Variants in DGKH observed in about 807,000 individuals in gnomAD.
DGKH encodes DAG kinase eta.
Under a neutral mutation model 159.3 loss-of-function variants are expected in DGKH, and 90 were observed. The observed-to-expected ratio is 0.57, with a 90% confidence interval of 0.48 to 0.67. The LOEUF (loss-of-function observed/expected upper bound fraction) is 0.67, where lower values mean the gene tolerates loss of function less well. Ranked by LOEUF, DGKH falls within the 30% of genes least tolerant of loss-of-function variation. The pLI is 0.00. For synonymous variants in DGKH, 536 were observed against 553.8 expected (o/e 0.97, Z 0.45); for missense variants, 1,181 against 1,506.1 (o/e 0.78, Z 3.57).
intron 11 of DGKH, among the ~76,000 whole-genome samples, chr13:42,169,607 A>G (rs1299226414): frequency 2.6e-5 from 4 of 152,234 alleles, no homozygotes; most frequent in African/African-American, 7.2e-5. Flanking sequence ...AACAATTTTG[A>G]TAGAATTAGC....
At chr13:42,117,738 T>C (rs1954990415) in intron 1 of DGKH, among the ~76,000 whole-genome samples, 3 of 152,234 alleles carry the variant, frequency 2.0e-5, no homozygotes, top group South Asian at 4.1e-4. Context: ...AATAATTCTA[T>C]AGAAAAAACA....
chr13:42,177,133 C>T (rs994318612), intron 12 of DGKH, among the ~76,000 whole-genome samples: 2 of 152,140 alleles, frequency 1.3e-5, no homozygotes, highest in Admixed American at 6.5e-5. Flanking sequence ...CAAATCTATG[C>T]CAGGCCACCC....
chr13:42,190,583 G>T, intron 16 of DGKH, 58 bp downstream of exon 16: 3 of 1,509,504 alleles, frequency 2.0e-6, no homozygotes, highest in South Asian at 1.3e-5. Flanking sequence ...TTTGCTTTTA[G>T]TTTTCAAAAG....
chr13:42,063,475 A>C (rs1319765213), intron 1 of DGKH, among the ~76,000 whole-genome samples: 1 of 152,212 alleles, frequency 6.6e-6, no homozygotes, highest in Admixed American at 6.5e-5. Flanking sequence ...TTACCATATT[A>C]ATATTAAAAG....
chr13:42,126,397 A>T (rs1955173586), intron 1 of DGKH, among the ~76,000 whole-genome samples: 1 of 152,034 alleles, frequency 6.6e-6, no homozygotes, highest in Admixed American at 6.6e-5. Context: ...AGCCAGAGGG[A>T]TATCTGAGGG....
intron 1 of DGKH, among the ~76,000 whole-genome samples, chr13:42,107,995 G>GT (rs1294908190): frequency 6.6e-6 from 1 of 152,150 alleles, no homozygotes; most frequent in Non-Finnish European, 1.5e-5. Context: ...GAAAAGTCTT[G>GT]TTTGAGTGTT....
intron 13 of DGKH, among the ~76,000 whole-genome samples, chr13:42,186,283 A>G (rs1046495381): frequency 2.6e-5 from 4 of 152,212 alleles, no homozygotes; most frequent in African/African-American, 4.8e-5. Context: ...AGCTGGTCAT[A>G]TACCATTCTG....
intron 3 of DGKH, among the ~76,000 whole-genome samples, chr13:42,141,886 G>A (rs1955571733): frequency 6.6e-6 from 1 of 151,634 alleles, no homozygotes; most frequent in South Asian, 2.1e-4. Flanking sequence ...CTGTGCAGAA[G>A]CTCTTTAGTT....
upstream of DGKH, among the ~76,000 whole-genome samples, chr13:42,045,540 T>A (rs1035186299): frequency 6.6e-6 from 1 of 152,188 alleles, no homozygotes; most frequent in African/African-American, 2.4e-5. Flanking sequence ...TCACAGTTAA[T>A]CCCCAAATCT....
chr13:42,056,019 G>T (rs1248477721), intron 1 of DGKH, among the ~76,000 whole-genome samples: 1 of 152,184 alleles, frequency 6.6e-6, no homozygotes, highest in African/African-American at 2.4e-5. Context: ...TTAGCTGGGC[G>T]TGGTGGCACC....
intron 1 of DGKH, chr13:42,070,083 A>G: frequency 1.0e-6 from 1 of 962,406 alleles, no homozygotes; most frequent in East Asian, 2.4e-5. Context: ...TATGAGCTTC[A>G]TCTTCAATAT....
rs184980118 is a variant in DGKH, at chr13:42,232,705, T to C, written c.*3517T>C. 7.7e-4 allele frequency: 118 copies of C among 152,362 alleles called. No individual in the cohort carries two copies. The highest frequency in any genetic ancestry group is 7.6e-3 in the Admixed American group (116 of 15,304). The allele number at this position is 152,362 out of a possible 1,614,324, so 9.4% of individuals were successfully genotyped here. A position where few individuals can be genotyped will look rare whatever the true frequency, so the allele number is the denominator to read the frequency against. ...GTAAAAGGATACTTGCTGGATAATC[T>C]AAGTGAATTGATGGATTAGGTCATT... On this transcript the variant is annotated 3_prime_UTR_variant, in exon 30 of 30. Coordinates refer to ENST00000337343, the MANE Select transcript of DGKH (RefSeq NM_178009.5).
At chr13:42,105,470 G>A (rs543285212) in intron 1 of DGKH, among the ~76,000 whole-genome samples, 2 of 152,246 alleles carry the variant, frequency 1.3e-5, no homozygotes, top group Non-Finnish European at 2.9e-5. Flanking sequence ...AACCATAGCA[G>A]TGACCTAAAA....
intron 1 of DGKH, among the ~76,000 whole-genome samples, chr13:42,082,022 TAGAC>T (rs1411772197): frequency 6.6e-6 from 1 of 152,188 alleles, no homozygotes; most frequent in Non-Finnish European, 1.5e-5. Flanking sequence ...TTTTTTTCCT[TAGAC>T]AGTGAGAAAT....
intron 3 of DGKH, among the ~76,000 whole-genome samples, chr13:42,131,530 G>T (rs1414973482): frequency 6.6e-6 from 1 of 152,156 alleles, no homozygotes; most frequent in African/African-American, 2.4e-5. Context: ...GAAGGATAAG[G>T]TTATTTGCTG....
chr13:42,151,578 TACACACACACACACACAC>T (rs60281789), intron 3 of DGKH, among the ~76,000 whole-genome samples: 1 of 93,776 alleles, frequency 1.1e-5, no homozygotes, highest in Non-Finnish European at 2.2e-5. Flanking sequence ...CTTATATGTA[TACACACACACACACACAC>T]ACACACACAC....
At chr13:42,120,073 A>G (rs1379793307) in intron 1 of DGKH, among the ~76,000 whole-genome samples, 2 of 152,190 alleles carry the variant, frequency 1.3e-5, no homozygotes, top group African/African-American at 4.8e-5. Flanking sequence ...GCAGTGAACC[A>G]TGAAACTGGA....
intron 29 of DGKH, among the ~76,000 whole-genome samples, chr13:42,249,838 A>G (rs186671262): frequency 6.6e-6 from 1 of 152,340 alleles, no homozygotes; most frequent in East Asian, 1.9e-4. Context: ...CTACACAACT[A>G]GAATCTCTTG....
intron 11 of DGKH, among the ~76,000 whole-genome samples, chr13:42,171,699 C>G (rs908532201): frequency 6.6e-6 from 1 of 152,070 alleles, no homozygotes; most frequent in Non-Finnish European, 1.5e-5. Flanking sequence ...ATTTTTTGCA[C>G]TGGAATGTTA....
Sources: allele counts gnomAD v4.1 joint callset (sites outside exome capture counted in the v4.1 genomes callset), GRCh38; gene constraint gnomAD v4.1.1; transcripts MANE v1.5; gene names NCBI Gene and HGNC (gene_info 2026-07-23, HGNC 2026-07-21).